Variants in IQCM observed in about 807,000 individuals in gnomAD.
IQCM encodes the protein IQ motif containing M.
A neutral mutation model predicts 57.6 loss-of-function variants in IQCM; 45 were observed. That is an observed-to-expected ratio of 0.78 (90% CI 0.62 to 1.00). The LOEUF (loss-of-function observed/expected upper bound fraction) is 1.00, where lower values mean the gene tolerates loss of function less well. IQCM is among the 50% of genes least tolerant of loss of function. The pLI is 0.00. For synonymous variants in IQCM, 148 were observed against 158.9 expected, an observed-to-expected ratio of 0.93 and a Z score of 0.51; for missense variants, 468 against 511.6, an observed-to-expected ratio of 0.91 and a Z score of 0.82.
intron 9 of IQCM, among the ~76,000 whole-genome samples, chr4:149,568,856 A>T (rs1750886001): frequency 6.6e-6 from 1 of 152,200 alleles, no homozygotes; most frequent in South Asian, 2.1e-4. Flanking sequence ...ATGGCCAATT[A>T]AAGCCTCCTT....
At chr4:149,513,538 T>C (rs1744635111) in intron 12 of IQCM, among the ~76,000 whole-genome samples, 1 of 152,230 alleles carries the variant, frequency 6.6e-6, no homozygotes, top group African/African-American at 2.4e-5. Flanking sequence ...TCTAGTGTAT[T>C]CAATTATGGA....
intron 13 of IQCM, among the ~76,000 whole-genome samples, chr4:149,379,218 A>T (rs1374615943): frequency 6.6e-6 from 1 of 152,202 alleles, no homozygotes; most frequent in Non-Finnish European, 1.5e-5. Flanking sequence ...CAGTAGGGAA[A>T]TGTGGGGTGG....
intron 12 of IQCM, among the ~76,000 whole-genome samples, chr4:149,511,364 CA>C (rs879758585): frequency 6.4e-4 from 87 of 136,864 alleles, no homozygotes; most frequent in Non-Finnish European, 8.1e-4. Context: ...ACTAACAATA[CA>C]AAAAAAAAAA....
intron 8 of IQCM, among the ~76,000 whole-genome samples, chr4:149,595,444 G>A (rs896675640): frequency 6.6e-6 from 1 of 152,044 alleles, no homozygotes; most frequent in African/African-American, 2.4e-5. Context: ...TAGGTACTGT[G>A]AAGAGAAAAT....
At chr4:149,732,482 T>G (rs1047429474) in intron 5 of IQCM, among the ~76,000 whole-genome samples, 1 of 152,194 alleles carries the variant, frequency 6.6e-6, no homozygotes, top group Non-Finnish European at 1.5e-5. Flanking sequence ...ACTGTTACAC[T>G]GTATAGTAAG....
intron 13 of IQCM, among the ~76,000 whole-genome samples, chr4:149,418,684 G>A (rs1009294270): frequency 6.6e-5 from 10 of 151,956 alleles, no homozygotes; most frequent in African/African-American, 2.4e-4. Context: ...ATTCAAATAG[G>A]AAGAAAAGAC....
intron 2 of IQCM, among the ~76,000 whole-genome samples, chr4:149,779,869 A>G (rs1771442595): frequency 6.6e-6 from 1 of 152,176 alleles, no homozygotes; most frequent in Non-Finnish European, 1.5e-5. Flanking sequence ...CTATCCTTAT[A>G]CTACGCTGTT....
intron 5 of IQCM, among the ~76,000 whole-genome samples, chr4:149,718,819 C>T (rs1254000460): frequency 1.3e-5 from 2 of 152,104 alleles, no homozygotes; most frequent in Admixed American, 6.6e-5. Context: ...CTGTAATCTC[C>T]CTTTGCCTCT....
chr4:149,671,349 T>C (rs1371300540), intron 7 of IQCM, among the ~76,000 whole-genome samples: 2 of 152,208 alleles, frequency 1.3e-5, no homozygotes, highest in Non-Finnish European at 2.9e-5. Flanking sequence ...CATTTTTTAT[T>C]GTGTCTATTT....
chr4:149,737,278 T>A (rs190710156), intron 3 of IQCM, among the ~76,000 whole-genome samples: 1 of 152,226 alleles, frequency 6.6e-6, no homozygotes, highest in Non-Finnish European at 1.5e-5. Context: ...GCATATATTA[T>A]CATTAGTGTA....
intron 2 of IQCM, among the ~76,000 whole-genome samples, chr4:149,759,854 G>T (rs1053772995): frequency 6.6e-6 from 1 of 151,836 alleles, no homozygotes; most frequent in Admixed American, 6.6e-5. Context: ...AAAGCAAAAA[G>T]TATATTAAAT....
intron 13 of IQCM, among the ~76,000 whole-genome samples, chr4:149,402,858 A>T (rs1732715200): frequency 1.3e-5 from 2 of 151,850 alleles, no homozygotes. Context: ...ACAACTTTGG[A>T]GTAGTTCATT....
chr4:149,364,614 T>A (rs1332507993), intron 13 of IQCM, among the ~76,000 whole-genome samples: 1 of 151,878 alleles, frequency 6.6e-6, no homozygotes, highest in Non-Finnish European at 1.5e-5. Context: ...TGAAAGGAAA[T>A]GAGAGAGCAG....
chr4:149,731,266 T>C (rs955746175), intron 5 of IQCM, among the ~76,000 whole-genome samples: 2 of 151,810 alleles, frequency 1.3e-5, no homozygotes, highest in African/African-American at 2.4e-5. Context: ...ATAAGAGAGG[T>C]TTCAGAGAGC....
intron 12 of IQCM, among the ~76,000 whole-genome samples, chr4:149,529,889 A>G (rs1746560297): frequency 6.6e-6 from 1 of 152,166 alleles, no homozygotes; most frequent in Admixed American, 6.5e-5. Flanking sequence ...TAAAATCCAA[A>G]GTATTTAATG....
chr4:149,791,622 T>C (rs1772622737), intron 2 of IQCM, among the ~76,000 whole-genome samples: 1 of 152,152 alleles, frequency 6.6e-6, no homozygotes, highest in African/African-American at 2.4e-5. Flanking sequence ...ATCATTCTAC[T>C]CTTACCTAGA....
intron 2 of IQCM, among the ~76,000 whole-genome samples, chr4:149,780,548 A>T (rs73857759): frequency 1.3e-4 from 18 of 134,214 alleles, no homozygotes; most frequent in South Asian, 1.2e-3. Flanking sequence ...TATATATATA[A>T]AACATATTTT....
intron 12 of IQCM, among the ~76,000 whole-genome samples, chr4:149,440,508 G>A (rs1579064120): frequency 1.3e-5 from 2 of 152,124 alleles, no homozygotes; most frequent in Middle Eastern, 6.8e-3. Flanking sequence ...AAATCCCTAA[G>A]AAAAACTGCA....
intron 13 of IQCM, among the ~76,000 whole-genome samples, chr4:149,383,100 T>C (rs1207814422): frequency 2.6e-5 from 4 of 151,912 alleles, no homozygotes; most frequent in Non-Finnish European, 4.4e-5. Context: ...GAAGTCCCCC[T>C]ATCTGTCCAC....
Sources: gnomAD v4.1 joint callset for allele counts (sites outside exome capture counted in the v4.1 genomes callset) on GRCh38, gnomAD v4.1.1 for gene constraint, MANE v1.5 for transcripts, NCBI Gene and HGNC (gene_info 2026-07-23, HGNC 2026-07-21) for gene names.